LRMDA: variants seen among roughly 807,000 people sequenced by gnomAD.
LRMDA encodes leucine rich melanocyte differentiation associated.
LRMDA carries 18 observed loss-of-function variants against 29.8 expected under a neutral mutation model. The ratio of observed to expected loss-of-function variants is 0.60; its 90% CI spans 0.42 to 0.90. The LOEUF is 0.90. Among genes scored for constraint, LRMDA ranks in the 40% least tolerant of loss-of-function variants. The probability of loss-of-function intolerance (pLI) is 0.00; values close to 1 mark genes in which losing one functional copy is unlikely to be tolerated. For synonymous variants in LRMDA, 125 were observed against 109.4 expected (o/e 1.14, Z -0.89); for missense variants, 273 against 273.9 (o/e 1.00, Z 0.02).
At chr10:75,885,876 C>T (rs1340382746) in intron 2 of LRMDA, among the ~76,000 whole-genome samples, 1 of 152,220 alleles carries the variant, frequency 6.6e-6, no homozygotes, top group African/African-American at 2.4e-5. Context: ...GTCTTATTTA[C>T]CACTAGGTCT....
chr10:75,525,592 C>CTTTT (rs11415547), intron 2 of LRMDA, among the ~76,000 whole-genome samples: 270 of 129,596 alleles, frequency 2.1e-3, no homozygotes, highest in Non-Finnish European at 2.6e-3. Context: ...TTCTTTCTTT[C>CTTTT]TTTTTTTTTT....
At chr10:76,085,376 G>A (rs944027200) in intron 5 of LRMDA, among the ~76,000 whole-genome samples, 2 of 152,168 alleles carry the variant, frequency 1.3e-5, no homozygotes, top group Non-Finnish European at 2.9e-5. Flanking sequence ...ATTAGATGTG[G>A]GTTTTCATTG....
intron 5 of LRMDA, among the ~76,000 whole-genome samples, chr10:76,278,231 T>C (rs74341065): frequency 0.071 from 10,877 of 152,264 alleles, 1,020 homozygotes; most frequent in African/African-American, 0.22. Context: ...TCTAAATCTG[T>C]GCTCATGTGT....
intron 2 of LRMDA, among the ~76,000 whole-genome samples, chr10:75,996,744 T>C (rs1847469751): frequency 6.6e-6 from 1 of 151,622 alleles, no homozygotes; most frequent in Non-Finnish European, 1.5e-5. Context: ...TGTTTTTTTT[T>C]TTTTTTGAGA....
At chr10:75,910,936 G>T (rs1845832344) in intron 2 of LRMDA, among the ~76,000 whole-genome samples, 2 of 152,104 alleles carry the variant, frequency 1.3e-5, no homozygotes, top group Non-Finnish European at 2.9e-5. Flanking sequence ...TTTAGTGTTG[G>T]GAGTTGATTG....
chr10:76,517,892 G>A (rs556226120), intron 6 of LRMDA, among the ~76,000 whole-genome samples: 6 of 149,656 alleles, frequency 4.0e-5, no homozygotes, highest in Non-Finnish European at 8.9e-5. Context: ...AAAAAAAAGA[G>A]TGTTTAAATC....
At chr10:75,802,964 A>G (rs1214972989) in intron 2 of LRMDA, among the ~76,000 whole-genome samples, 1 of 127,944 alleles carries the variant, frequency 7.8e-6, no homozygotes, top group Non-Finnish European at 1.6e-5. Flanking sequence ...GTATATATAT[A>G]TATATATATT....
chr10:76,157,127 A>G (rs1306975400), intron 5 of LRMDA, among the ~76,000 whole-genome samples: 1 of 152,190 alleles, frequency 6.6e-6, no homozygotes, highest in Non-Finnish European at 1.5e-5. Context: ...GTTAGTTGCT[A>G]AGTCCTAAAT....
intron 5 of LRMDA, among the ~76,000 whole-genome samples, chr10:76,180,328 C>T (rs1181776507): frequency 6.7e-6 from 1 of 148,556 alleles, no homozygotes; most frequent in Non-Finnish European, 1.5e-5. Flanking sequence ...CACTGTCACC[C>T]CGGCTGGAGT....
intron 6 of LRMDA, among the ~76,000 whole-genome samples, chr10:76,505,678 G>T (rs528815831): frequency 6.6e-6 from 1 of 152,028 alleles, no homozygotes; most frequent in Non-Finnish European, 1.5e-5. Context: ...ACTGGATTCC[G>T]TGAATTTCTG....
intron 5 of LRMDA, among the ~76,000 whole-genome samples, chr10:76,316,494 C>T (rs1348000494): frequency 6.6e-6 from 1 of 152,174 alleles, no homozygotes; most frequent in Non-Finnish European, 1.5e-5. Context: ...CTGAGCGCAG[C>T]CTGCTGGGCC....
Position 76,429,040 on chromosome 10 carries a change from A to AC in LRMDA, c.601+104555_601+104556insC, listed in dbSNP as rs35184516. The stretch of plus-strand genomic sequence containing the variant: ...GCCAATTATACACACACACACACAC[A>AC]AACACACACACACACACATTCCCCA... On this transcript the variant is annotated intron_variant, in intron 6 of 6. Transcript: ENST00000611255. 2.2e-3 allele frequency among the ~76,000 whole-genome samples: 334 copies of AC among 151,676 alleles called. 1 individual carries two copies. Among genetic ancestry groups the AC allele is most frequent in the South Asian group, 0.014 (68 of 4,798 alleles).
rs112754797 is a variant in LRMDA, at chr10:75,822,453, T to A, written c.132-213555T>A. On this transcript the variant is annotated intron_variant, in intron 2 of 6. Transcript: ENST00000611255. ...TACCAATGTCACTATTCGCAGAATTTAAAAAAAAACTTAAAATTAATATGG... is the reference window on the plus strand; with the variant it reads ...TACCAATGTCACTATTCGCAGAATTAAAAAAAAAACTTAAAATTAATATGG... Among the ~76,000 whole-genome samples the A allele has an allele frequency of 8.0e-3, 1,206 of 151,636 alleles. 18 individuals are homozygous for A. Among genetic ancestry groups the A allele is most frequent in the African/African-American group, 0.027 (1,126 of 41,360 alleles).
chr10:75,739,231 A>C (rs956180785), intron 2 of LRMDA, among the ~76,000 whole-genome samples: 1 of 152,312 alleles, frequency 6.6e-6, no homozygotes, highest in South Asian at 2.1e-4. Context: ...GATGTATGTT[A>C]ATACATATAT....
intron 5 of LRMDA, among the ~76,000 whole-genome samples, chr10:76,089,819 T>G (rs891883376): frequency 2.0e-4 from 30 of 152,092 alleles, no homozygotes; most frequent in African/African-American, 5.8e-4. Flanking sequence ...AAATTATAAG[T>G]TTGGGGATAT....
intron 2 of LRMDA, among the ~76,000 whole-genome samples, chr10:75,948,989 C>T (rs1009581730): frequency 6.6e-6 from 1 of 151,832 alleles, no homozygotes; most frequent in Non-Finnish European, 1.5e-5. Flanking sequence ...GCATACACTT[C>T]AATTCTAAGC....
intron 2 of LRMDA, among the ~76,000 whole-genome samples, chr10:75,885,139 G>T (rs1319052631): frequency 6.6e-6 from 1 of 152,190 alleles, no homozygotes; most frequent in Admixed American, 6.5e-5. Flanking sequence ...AGTTCAGGAG[G>T]CCAGGGGAGG....
At chr10:76,209,707 G>T (rs1374044562) in intron 5 of LRMDA, among the ~76,000 whole-genome samples, 2 of 152,090 alleles carry the variant, frequency 1.3e-5, no homozygotes, top group Non-Finnish European at 2.9e-5. Context: ...TCTGAACATG[G>T]AGCCAGCCCC....
chr10:75,553,811 A>G (rs900806752), intron 2 of LRMDA, among the ~76,000 whole-genome samples: 1 of 152,000 alleles, frequency 6.6e-6, no homozygotes, highest in Non-Finnish European at 1.5e-5. Context: ...ATGCCTGTGC[A>G]CAGTGTAGGG....
Sources: gnomAD v4.1 joint callset for allele counts (sites outside exome capture counted in the v4.1 genomes callset) on GRCh38, gnomAD v4.1.1 for gene constraint, MANE v1.5 for transcripts, NCBI Gene and HGNC (gene_info 2026-07-23, HGNC 2026-07-21) for gene names.